LRP2: variants seen among roughly 807,000 people sequenced by gnomAD.
LRP2 encodes the protein LDL receptor related protein 2.
Under a neutral mutation model 531.0 loss-of-function variants are expected in LRP2, and 172 were observed. The ratio of observed to expected loss-of-function variants is 0.32; its 90% CI spans 0.29 to 0.37. The LOEUF is 0.37. Ranked by LOEUF, LRP2 falls within the 10% of genes least tolerant of loss-of-function variation. The pLI is 1.00. For synonymous variants in LRP2, 1,992 were observed against 2,027.6 expected, an observed-to-expected ratio of 0.98 and a Z score of 0.47; for missense variants, 5,167 against 5,868.3, an observed-to-expected ratio of 0.88 and a Z score of 3.90.
intron 1 of LRP2, among the ~76,000 whole-genome samples, chr2:169,350,723 CAA>C (rs35301449): frequency 0.059 from 3,999 of 68,058 alleles, 151 homozygotes; most frequent in East Asian, 0.31. Context: ...GACTCCATCG[CAA>C]AAAAAAAAAA....
intron 1 of LRP2, among the ~76,000 whole-genome samples, chr2:169,328,963 T>G (rs536526704): frequency 5.9e-5 from 9 of 152,198 alleles, no homozygotes; most frequent in African/African-American, 2.2e-4. Flanking sequence ...ATTTCATAGA[T>G]GAGGACGACA....
chr2:169,196,842 A>G, intron 46 of LRP2, 69 bp downstream of exon 46: 1 of 1,605,872 alleles, frequency 6.2e-7, no homozygotes, highest in Non-Finnish European at 8.5e-7. Flanking sequence ...TCTGTATTTG[A>G]AGCAGTTGGA....
intron 76 of LRP2, among the ~76,000 whole-genome samples, chr2:169,135,961 G>A (rs985850452): frequency 7.9e-5 from 12 of 151,790 alleles, no homozygotes; most frequent in South Asian, 2.1e-4. Flanking sequence ...TCCCCAAACC[G>A]CCACTCTTAA....
chr2:169,277,672 T>C, intron 13 of LRP2, 73 bp downstream of exon 13: 1 of 1,323,800 alleles, frequency 7.6e-7, no homozygotes, highest in South Asian at 1.2e-5. Flanking sequence ...GGTCCTTTGA[T>C]ATTTCTCTGC....
intron 64 of LRP2, among the ~76,000 whole-genome samples, chr2:169,156,919 T>C (rs1424974636): frequency 1.3e-5 from 2 of 152,222 alleles, no homozygotes; most frequent in African/African-American, 4.8e-5. Context: ...CCTAAAATCA[T>C]GCTCATCACT....
Position 169,243,472 on chromosome 2 carries a change from A to G in LRP2, c.3481T>C (p.Cys1161Arg), listed in dbSNP as rs1161310479. ...TCACAGACAAACGATAGGTCAATAC[A>G]TCGATGATTGGGGCAATTAAACTGA... ...PSQFNCPNHRCIDLSFVCDGD... is the reference protein window; with the variant it reads ...PSQFNCPNHRRIDLSFVCDGD... The change falls in exon 23 of 79, where the codon TGT (cysteine) becomes CGT (arginine). Residue 1161 changes from cysteine to arginine, a missense_variant. By Grantham distance (180) the Cys-to-Arg change is radical. Around this residue, in one of 6 missense-constraint regions of LRP2, gnomAD observed 2,811 missense variants for 3,058.0 expected, o/e 0.92. Transcript: ENST00000649046. 3.7e-6 allele frequency: 6 copies of G among 1,614,008 alleles called. No homozygotes were observed. The highest frequency in any genetic ancestry group is 5.1e-6 in the Non-Finnish European group (6 of 1,180,004).
chr2:169,127,529 T>G lies in LRP2; in HGVS notation c.*1134A>C, dbSNP rs1685138270. 1.9e-5 allele frequency: 1 copy of G among 53,650 alleles called. No individual in the cohort carries two copies. Among genetic ancestry groups the G allele is most frequent in the East Asian group, 3.9e-4 (1 of 2,568 alleles). 3.3% of individuals were successfully genotyped at this position (53,650 alleles called of 1,614,324 possible). On this transcript the variant is annotated 3_prime_UTR_variant, in exon 79 of 79. Coordinates refer to ENST00000649046, the MANE Select transcript of LRP2 (RefSeq NM_004525.3). The stretch of plus-strand genomic sequence containing the variant: ...GCCTTGGCAATATAGCAAGACTCCA[T>G]CTCTAAAAAAAAAAAAAAAAAAAAA...
intron 1 of LRP2, among the ~76,000 whole-genome samples, chr2:169,359,470 A>G (rs1019428857): frequency 8.5e-5 from 13 of 152,208 alleles, no homozygotes; most frequent in African/African-American, 2.7e-4. Flanking sequence ...TCCAATTTTT[A>G]GTGATGCGAA....
At chr2:169,192,990 G>C (rs2105312723) in intron 47 of LRP2, among the ~76,000 whole-genome samples, 1 of 152,284 alleles carries the variant, frequency 6.6e-6, no homozygotes, top group Middle Eastern at 3.4e-3. Context: ...TCTTGAACTA[G>C]CTAAGATTTC....
At chr2:169,345,118 T>A (rs1050074148) in intron 1 of LRP2, among the ~76,000 whole-genome samples, 4 of 152,218 alleles carry the variant, frequency 2.6e-5, no homozygotes, top group East Asian at 3.8e-4. Flanking sequence ...ACTGACTTAA[T>A]CTTCTTTGAA....
intron 16 of LRP2, among the ~76,000 whole-genome samples, chr2:169,269,492 A>G (rs1457247133): frequency 6.6e-6 from 1 of 152,232 alleles, no homozygotes; most frequent in African/African-American, 2.4e-5. Context: ...TGACAAAAAC[A>G]AGAAATGGGG....
At chr2:169,296,027 T>G (rs527287566) in intron 4 of LRP2, among the ~76,000 whole-genome samples, 1 of 152,138 alleles carries the variant, frequency 6.6e-6, no homozygotes. Context: ...AAGATAATTC[T>G]TTGGATAGTC....
chr2:169,240,618 G>A, intron 25 of LRP2: 1 of 417,522 alleles, frequency 2.4e-6, no homozygotes. Context: ...CAAATCCCTG[G>A]ACTTCATTTT....
intron 1 of LRP2, among the ~76,000 whole-genome samples, chr2:169,353,356 A>G (rs1401718661): frequency 1.3e-5 from 2 of 152,184 alleles, no homozygotes; most frequent in African/African-American, 2.4e-5. Context: ...GACCGCACAC[A>G]AAGGTGAAAC....
At chr2:169,259,003 A>C (rs1183568097) in intron 17 of LRP2, 22 bp downstream of exon 17, 1 of 1,610,238 alleles carries the variant, frequency 6.2e-7, no homozygotes, top group Non-Finnish European at 8.5e-7. Context: ...TCAAGCTCTT[A>C]GGAAAACATG....
intron 1 of LRP2, among the ~76,000 whole-genome samples, chr2:169,337,572 A>G (rs831031): frequency 0.36 from 54,843 of 152,060 alleles, 10,217 homozygotes; most frequent in African/African-American, 0.44. Context: ...TATTGCAAAA[A>G]CAATGACTCC....
chr2:169,271,835 G>A (rs1683426132), intron 15 of LRP2: 1 of 216,794 alleles, frequency 4.6e-6, no homozygotes, highest in South Asian at 1.6e-4. Flanking sequence ...ATATAAAGGA[G>A]TGAAAGCAGG....
chr2:169,258,059 C>T (rs1055050593), intron 17 of LRP2, among the ~76,000 whole-genome samples: 1 of 152,058 alleles, frequency 6.6e-6, no homozygotes, highest in South Asian at 2.1e-4. Flanking sequence ...CTGTTTAACT[C>T]TCTATAGGGC....
intron 3 of LRP2, among the ~76,000 whole-genome samples, chr2:169,317,610 A>G (rs1684798586): frequency 2.0e-5 from 3 of 152,190 alleles, no homozygotes; most frequent in African/African-American, 7.2e-5. Flanking sequence ...TTTTTGTTTA[A>G]CTTTTTTGAG....
Sources: gnomAD v4.1 joint callset for allele counts (sites outside exome capture counted in the v4.1 genomes callset) on GRCh38, gnomAD v4.1.1 for gene constraint, gnomAD v4.1.1 regional missense constraint, MANE v1.5 for transcripts, NCBI Gene and HGNC (gene_info 2026-07-23, HGNC 2026-07-21) for gene names.